SYNE2: variants seen among roughly 807,000 people sequenced by gnomAD.
SYNE2 encodes the protein nesprin-2.
Under a neutral mutation model 856.3 loss-of-function variants are expected in SYNE2, and 431 were observed. That is an observed-to-expected ratio of 0.50 (90% CI 0.47 to 0.55). The LOEUF (loss-of-function observed/expected upper bound fraction) is 0.55, where lower values mean the gene tolerates loss of function less well. Among genes scored for constraint, SYNE2 ranks in the 20% least tolerant of loss-of-function variants. The pLI is 0.00. For missense variants in SYNE2, 8,129 were observed against 8,023.2 expected, an observed-to-expected ratio of 1.01 and a Z score of -0.50; for synonymous variants, 2,923 against 2,872.3, an observed-to-expected ratio of 1.02 and a Z score of -0.56.
intron 23 of SYNE2, among the ~76,000 whole-genome samples, chr14:63,995,807 A>G (rs1354478255): frequency 6.6e-6 from 1 of 152,140 alleles, no homozygotes; most frequent in Non-Finnish European, 1.5e-5. Flanking sequence ...ATGTAAATAT[A>G]TAGCGATATA....
At chr14:63,805,085 G>A (rs1037853958) in intron 1 of SYNE2, among the ~76,000 whole-genome samples, 3 of 152,146 alleles carry the variant, frequency 2.0e-5, no homozygotes, top group African/African-American at 7.2e-5. Context: ...CCTCAAACCT[G>A]TTTCATTGGT....
chr14:64,188,055 T>G (rs1384607263), intron 97 of SYNE2, among the ~76,000 whole-genome samples: 1 of 152,230 alleles, frequency 6.6e-6, no homozygotes, highest in Non-Finnish European at 1.5e-5. Context: ...TTGGTTTTGC[T>G]TTGTTTTGAA....
intron 51 of SYNE2, 130 bp from the exon 52 acceptor site, chr14:64,070,515 A>G (rs1027086588): frequency 5.8e-5 from 43 of 736,674 alleles, no homozygotes; most frequent in Middle Eastern, 3.9e-4. Flanking sequence ...TCCCAGCTAT[A>G]GGAAAACAGA....
rs2153670900 is a variant in SYNE2 at position 64,125,159 on chromosome 14, T to C, written c.13503T>C (p.Tyr4501=). The C allele has an allele frequency of 6.2e-7, 1 of 1,614,218 alleles. No homozygotes were observed. Among genetic ancestry groups the C allele is most frequent in the East Asian group, 2.2e-5 (1 of 44,878 alleles). Residue 4501 remains tyrosine, a synonymous_variant, in exon 71 of 116, where the codon TAT becomes TAC. Coordinates refer to ENST00000555002, the MANE Select transcript of SYNE2 (RefSeq NM_182914.3). The stretch of plus-strand genomic sequence containing the variant: ...CAACAACTGAAGAACTGAAAACCTA[T>C]ACCACCCAACTTGAAGACCTGCGCC... ...RYPTTEELKT[Y]TTQLEDLRQE...
chr14:63,802,675 T>G (rs1317228843), intron 1 of SYNE2, among the ~76,000 whole-genome samples: 3 of 152,218 alleles, frequency 2.0e-5, no homozygotes, highest in South Asian at 2.1e-4. Context: ...ACCCTCGCGG[T>G]GAGAATTACA....
intron 1 of SYNE2, among the ~76,000 whole-genome samples, chr14:63,838,659 T>A (rs529175460): frequency 6.6e-6 from 1 of 152,174 alleles, no homozygotes; most frequent in South Asian, 2.1e-4. Flanking sequence ...TAGGCACGCA[T>A]AACTGAGCTT....
Position 63,981,096 on chromosome 14 carries a change from T to C in SYNE2, c.1759T>C (p.Cys587Arg). Reference sequence around the variant, plus strand: ...GTCCACTCTACAAAAAGTGCTGGCATGTTGGGCTACTTATGTGGAAAACCT... The same window carrying C: ...GTCCACTCTACAAAAAGTGCTGGCACGTTGGGCTACTTATGTGGAAAACCT... ...VKSTLQKVLACWATYVENLRL... is the reference protein window; with the variant it reads ...VKSTLQKVLARWATYVENLRL... Residue 587 changes from cysteine (C) to arginine (R), a missense_variant, in exon 16 of 116, where the codon TGT becomes CGT. This residue lies in a region of SYNE2 where 2,422 missense variants were observed against 2,357.4 expected (regional missense o/e 1.03). Coordinates refer to ENST00000555002, the MANE Select transcript of SYNE2 (RefSeq NM_182914.3). The C allele has an allele frequency of 6.2e-7, 1 of 1,613,796 alleles. No individual in the cohort carries two copies. The highest frequency in any genetic ancestry group is 1.3e-5 in the African/African-American group (1 of 75,040).
intron 100 of SYNE2, 48 bp downstream of exon 100, chr14:64,203,011 A>C: frequency 6.2e-7 from 1 of 1,607,608 alleles, no homozygotes; most frequent in Non-Finnish European, 8.5e-7. Flanking sequence ...TGTCCGCGAT[A>C]TGCACTGACT....
At chr14:63,820,749 A>G (rs2139862624) in intron 1 of SYNE2, among the ~76,000 whole-genome samples, 1 of 132,272 alleles carries the variant, frequency 7.6e-6, no homozygotes, top group Non-Finnish European at 1.7e-5. Flanking sequence ...GCACAGGAGA[A>G]CTTTTTTTTT....
chr14:64,210,477 C>T (rs574479926), intron 103 of SYNE2, among the ~76,000 whole-genome samples: 32 of 152,292 alleles, frequency 2.1e-4, no homozygotes, highest in African/African-American at 6.5e-4. Flanking sequence ...GAAGGAGCCC[C>T]GCTTTGCCCA....
Position 64,179,692 on chromosome 14 carries a change from T to G in SYNE2, c.17556+2209T>G, listed in dbSNP as rs182676343. 4.1e-3 allele frequency among the ~76,000 whole-genome samples: 625 copies of G among 152,346 alleles called. 5 individuals carry two copies. The highest frequency in any genetic ancestry group is 6.5e-3 in the Non-Finnish European group (440 of 68,018). ...CATATTTGCCCTTTTGTGAATTGCC[T>G]ATTTGTGCCTTTTACTGATTTTTTT... On this transcript the variant is annotated intron_variant, in intron 96 of 115. Transcript: ENST00000555002.
chr14:64,202,222 C>T lies in SYNE2; in HGVS notation c.18039-579C>T, dbSNP rs2098574804. 4.3e-6 allele frequency: 3 copies of T among 702,254 alleles called. No homozygotes were observed. In the Admixed American group the frequency reaches 6.0e-5, roughly 14 times the overall value. The allele number at this position is 702,254 out of a possible 1,614,324, so 43.5% of individuals were successfully genotyped here. On this transcript the variant is annotated intron_variant, in intron 99 of 115. Transcript: ENST00000555002. ...ATGCCCCATAATCTACCCGCATGGGCTGGTTCAATGTATACGGCTGGGTGA... is the reference window on the plus strand; with the variant it reads ...ATGCCCCATAATCTACCCGCATGGGTTGGTTCAATGTATACGGCTGGGTGA...
chr14:64,043,014 A>G (rs2097160187), intron 45 of SYNE2, among the ~76,000 whole-genome samples: 1 of 152,188 alleles, frequency 6.6e-6, no homozygotes, highest in Admixed American at 6.5e-5. Context: ...TCATAGTGAA[A>G]TGTATAATAA....
chr14:64,090,494 G>A (rs1013417248), intron 59 of SYNE2, among the ~76,000 whole-genome samples: 1 of 152,158 alleles, frequency 6.6e-6, no homozygotes, highest in Non-Finnish European at 1.5e-5. Context: ...CCTACTATAC[G>A]GGAAGTCCTG....
intron 43 of SYNE2, among the ~76,000 whole-genome samples, chr14:64,029,338 A>G (rs2097012188): frequency 1.3e-5 from 2 of 152,194 alleles, no homozygotes; most frequent in East Asian, 1.9e-4. Context: ...TTAATTTAGT[A>G]GTTGCTGCTT....
In SYNE2 at chr14:64,138,002, G is replaced by A. The variant is rs1304866255; in HGVS notation, c.14843+19G>A. ...TGCTCAGGTCAGCCTTTTTGGGGGT[G>A]GATTGGCTTCATATTGTGCTGTGAA... On this transcript the variant is annotated intron_variant, in intron 79 of 115. Coordinates refer to ENST00000555002, the MANE Select transcript of SYNE2 (RefSeq NM_182914.3). 6.2e-7 allele frequency: 1 copy of A among 1,607,470 alleles called. No individual in the cohort carries two copies.
intron 32 of SYNE2, among the ~76,000 whole-genome samples, chr14:64,015,222 G>A (rs1488562255): frequency 6.6e-6 from 1 of 151,400 alleles, no homozygotes; most frequent in Non-Finnish European, 1.5e-5. Flanking sequence ...TTAATTGGGA[G>A]TGTTTCTTTC....
At position 64,186,421 on chromosome 14, in the gene SYNE2, C is replaced by A; in HGVS notation, c.17557-3C>A. ...TTTACCCCCTTCTTGTGATTAAATG[C>A]AGGAACTAGAACAGTCTTTGGCTAG... is the stretch of plus-strand genomic sequence containing the variant. On this transcript the variant is annotated splice_polypyrimidine_tract_variant and splice_region_variant and intron_variant, in intron 96 of 115. Transcript: ENST00000555002. 6.2e-7 allele frequency: 1 copy of A among 1,614,146 alleles called. No homozygotes were observed. The highest frequency in any genetic ancestry group is 8.5e-7 in the Non-Finnish European group (1 of 1,180,010).
rs760085382 is a variant in SYNE2, at chr14:64,034,568, G to T, written c.7221+3211G>T. 6 of 533,264 alleles carry T rather than the reference G, an allele frequency of 1.1e-5. No homozygotes were observed. In the East Asian group the frequency reaches 1.5e-4, roughly 13 times the overall value. 33.0% of individuals were successfully genotyped at this position (533,264 alleles called of 1,614,324 possible). On this transcript the variant is annotated intron_variant, in intron 45 of 115. Transcript: ENST00000555002. ...TGTATATATTTGAATCCATTGTCAA[G>T]AATTTCATTTCAGATGAAATGCAGG...
Sources: allele counts gnomAD v4.1 joint callset (sites outside exome capture counted in the v4.1 genomes callset), GRCh38; gene constraint gnomAD v4.1.1; regional missense constraint gnomAD v4.1.1; transcripts MANE v1.5; gene names NCBI Gene and HGNC (gene_info 2026-07-23, HGNC 2026-07-21).